EIF3A: variants seen among roughly 807,000 people sequenced by gnomAD.
EIF3A encodes EIF3, p180 subunit.
A neutral mutation model predicts 186.6 loss-of-function variants in EIF3A; 21 were observed. The ratio of observed to expected loss-of-function variants is 0.11; its 90% CI spans 0.08 to 0.16. The LOEUF is 0.16. Ranked by LOEUF, EIF3A falls within the 10% of genes least tolerant of loss-of-function variation. The probability of loss-of-function intolerance (pLI) is 1.00; values close to 1 mark genes in which losing one functional copy is unlikely to be tolerated. For synonymous variants in EIF3A, 563 were observed against 584.3 expected (o/e 0.96, Z 0.52); for missense variants, 1,306 against 1,796.3 (o/e 0.73, Z 4.93).
At chr10:119,070,243 C>T (rs1330794453) in intron 5 of EIF3A, among the ~76,000 whole-genome samples, 15 of 152,174 alleles carry the variant, frequency 9.9e-5, no homozygotes, top group Admixed American at 2.6e-4. Context: ...TTATATGGAA[C>T]GTCTTTGTAG....
chr10:119,059,447 C>CA (rs1843846375), intron 10 of EIF3A, 50 bp from the exon 11 acceptor site: 1 of 1,384,028 alleles, frequency 7.2e-7, no homozygotes, highest in East Asian at 2.3e-5. Flanking sequence ...AGCATGAAGT[C>CA]AAAAAGTAAC....
At position 119,049,952 on chromosome 10, in the gene EIF3A, T is replaced by C. The variant is rs768911727; in HGVS notation, c.2507A>G (p.Lys836Arg). 1 of 1,614,178 alleles carries C rather than the reference T, an allele frequency of 6.2e-7. No homozygotes were observed. The highest frequency in any genetic ancestry group is 1.1e-5 in the South Asian group (1 of 91,072). ...ATACTCTCGTAGCTCTTCCTCGCGTTTTGCTCGTTCGGCGCGCTCTCTCTC... is the reference window on the plus strand; with the variant it reads ...ATACTCTCGTAGCTCTTCCTCGCGTCTTGCTCGTTCGGCGCGCTCTCTCTC... ...REERERAERA[K>R]REEELREYQE... Residue 836 changes from lysine (K) to arginine (R), a missense_variant, in exon 17 of 22, where the codon AAA becomes AGA. Physicochemically the swap from Lys to Arg is conservative, Grantham distance 26. Coordinates refer to ENST00000369144, the MANE Select transcript of EIF3A (RefSeq NM_003750.4).
intron 1 of EIF3A, among the ~76,000 whole-genome samples, chr10:119,076,928 ACT>A (rs1423273724): frequency 3.2e-4 from 31 of 96,832 alleles, no homozygotes; most frequent in African/African-American, 8.1e-4. Flanking sequence ...AGAGGGAGAG[ACT>A]CTGTCTCAAA....
intron 12 of EIF3A, 72 bp from the exon 13 acceptor site, chr10:119,057,112 C>T (rs1235456512): frequency 1.2e-6 from 1 of 840,136 alleles, no homozygotes; most frequent in African/African-American, 1.7e-5. Flanking sequence ...TCACTGCTTT[C>T]TAGAATAAAA....
At position 119,035,893 on chromosome 10, in the gene EIF3A, T is replaced by C. The variant is rs1848120942; in HGVS notation, c.*146A>G. 9.3e-6 allele frequency: 6 copies of C among 645,138 alleles called. No homozygotes were observed. The East Asian group carries it at 1.6e-4, about 18-fold the overall frequency. 40.0% of individuals were successfully genotyped at this position (645,138 alleles called of 1,614,324 possible). Reference sequence around the variant, plus strand: ...TATGGTGCATGATCAATCTATTATATAGGATTAATACAAGTTCATGCTTTT... The same window carrying C: ...TATGGTGCATGATCAATCTATTATACAGGATTAATACAAGTTCATGCTTTT... On this transcript the variant is annotated 3_prime_UTR_variant, in exon 22 of 22. Coordinates refer to ENST00000369144, the MANE Select transcript of EIF3A (RefSeq NM_003750.4).
At position 119,065,296 on chromosome 10, in the gene EIF3A, C is replaced by T. The variant is rs572493743; in HGVS notation, c.1122+103G>A. 1.3e-4 allele frequency: 115 copies of T among 879,116 alleles called. No homozygotes were observed. In the East Asian group the frequency reaches 2.7e-3, roughly 21 times the overall value. 54.5% of individuals were successfully genotyped at this position (879,116 alleles called of 1,614,324 possible). A position where few individuals can be genotyped will look rare whatever the true frequency, so the allele number is the denominator to read the frequency against. On this transcript the variant is annotated intron_variant, in intron 7 of 21. Transcript: ENST00000369144. ...TGCTTCCCTGTCCATACATCAGAAC[C>T]CTTGGCACTGAATCAGAATTCCCAG...
intron 8 of EIF3A, 86 bp downstream of exon 8, chr10:119,061,136 CTT>C: frequency 1.5e-6 from 1 of 682,114 alleles, no homozygotes; most frequent in Non-Finnish European, 2.5e-6. Context: ...TAGGACAAAA[CTT>C]CTCTCTTAAC....
Position 119,037,385 on chromosome 10 carries a change from G to C in EIF3A, c.3729-76C>G, listed in dbSNP as rs1223739798. The C allele has an allele frequency of 3.0e-6, 4 of 1,318,076 alleles. No homozygotes were observed. The African/African-American group carries it at 4.4e-5, about 14-fold the overall frequency. The allele number at this position is 1,318,076 out of a possible 1,614,324, so 81.6% of individuals were successfully genotyped here. A position where few individuals can be genotyped will look rare whatever the true frequency, so the allele number is the denominator to read the frequency against. On this transcript the variant is annotated intron_variant, in intron 20 of 21. Transcript: ENST00000369144. The stretch of plus-strand genomic sequence containing the variant: ...ATAATTATAAGTACATCCAGTCCAA[G>C]CTGGGGCTTAGAGTTTACAAATATA...
chr10:119,064,461 C>T (rs930230469), intron 7 of EIF3A, among the ~76,000 whole-genome samples: 1 of 152,034 alleles, frequency 6.6e-6, no homozygotes, highest in Non-Finnish European at 1.5e-5. Flanking sequence ...TCCCCGTAGG[C>T]CCATCCTCAT....
intron 1 of EIF3A, among the ~76,000 whole-genome samples, chr10:119,079,923 A>T (rs2133427700): frequency 6.6e-6 from 1 of 152,324 alleles, no homozygotes; most frequent in Middle Eastern, 3.4e-3. Context: ...CATTAACTCT[A>T]TTCCAACTTC....
chr10:119,039,125 G>A (rs1238057548), intron 19 of EIF3A, among the ~76,000 whole-genome samples: 1 of 151,992 alleles, frequency 6.6e-6, no homozygotes, highest in Admixed American at 6.6e-5. Context: ...CAATTTTGAG[G>A]TATTTATACC....
chr10:119,040,704 C>T (rs924026954), intron 19 of EIF3A, among the ~76,000 whole-genome samples: 5 of 152,010 alleles, frequency 3.3e-5, no homozygotes, highest in African/African-American at 1.2e-4. Flanking sequence ...AACCCCATCT[C>T]TATTAAAAAT....
rs560253894 is a variant in EIF3A, at chr10:119,037,397, A to C, written c.3729-88T>G. On this transcript the variant is annotated intron_variant, in intron 20 of 21. Coordinates refer to ENST00000369144, the MANE Select transcript of EIF3A (RefSeq NM_003750.4). ...ACATCCAGTCCAAGCTGGGGCTTAG[A>C]GTTTACAAATATAACAGACAGTTTA... 4.8e-4 allele frequency: 574 copies of C among 1,198,442 alleles called. 3 individuals carry two copies. Among genetic ancestry groups the C allele is most frequent in the Middle Eastern group, 4.7e-3 (23 of 4,908 alleles). The allele number at this position is 1,198,442 out of a possible 1,614,324, so 74.2% of individuals were successfully genotyped here. A position where few individuals can be genotyped will look rare whatever the true frequency, so the allele number is the denominator to read the frequency against.
At position 119,060,167 on chromosome 10, in the gene EIF3A, G is replaced by A. The variant is rs74324331; in HGVS notation, c.1327-449C>T. 1.9e-3 allele frequency: 969 copies of A among 497,454 alleles called. 11 individuals are homozygous for A. Among genetic ancestry groups the A allele is most frequent in the African/African-American group, 0.017 (850 of 50,224 alleles). 30.8% of individuals were successfully genotyped at this position (497,454 alleles called of 1,614,324 possible). On this transcript the variant is annotated intron_variant, in intron 9 of 21. Transcript: ENST00000369144. ...TACTGAGATGAAAATATAATAAAAC[G>A]CCCTCCTTCCCAAATGCAACAAATG... is the stretch of plus-strand genomic sequence containing the variant.
chr10:119,073,193 C>T (rs1177982774), intron 3 of EIF3A, 140 bp from the exon 4 acceptor site: 9 of 799,480 alleles, frequency 1.1e-5, no homozygotes, highest in African/African-American at 1.7e-5. Flanking sequence ...TCACTATCTA[C>T]TCCCTGAATT....
rs770258900 is a variant in EIF3A, at chr10:119,070,983, C to G, written c.644G>C (p.Ser215Thr). 1 of 1,614,012 alleles carries G rather than the reference C, an allele frequency of 6.2e-7. No homozygotes were observed. Among genetic ancestry groups the G allele is most frequent in the Non-Finnish European group, 8.5e-7 (1 of 1,179,890 alleles). ...LSQIQRHHNQ[S>T]TAINLNNPES... is the part of the protein sequence containing the mutation. ...TGGATTATTAAGATTGATTGCCGTACTTTGGTTATGGTGGCGCTGAATCTG... is the reference window on the plus strand; with the variant it reads ...TGGATTATTAAGATTGATTGCCGTAGTTTGGTTATGGTGGCGCTGAATCTG... Residue 215 changes from serine (S) to threonine (T), a missense_variant, in exon 5 of 22, where the codon AGT becomes ACT. Coordinates refer to ENST00000369144, the MANE Select transcript of EIF3A (RefSeq NM_003750.4).
intron 1 of EIF3A, chr10:119,080,425 G>A (rs1844245683): frequency 1.0e-6 from 1 of 985,464 alleles, no homozygotes; most frequent in African/African-American, 1.7e-5. Flanking sequence ...CGACGGTTCC[G>A]GGCTACGCGC....
chr10:119,066,736 C>A (rs1843987314), intron 6 of EIF3A, among the ~76,000 whole-genome samples: 1 of 152,064 alleles, frequency 6.6e-6, no homozygotes, highest in Non-Finnish European at 1.5e-5. Flanking sequence ...GGGCTAGCAT[C>A]TCCCCTTCGC....
intron 18 of EIF3A, among the ~76,000 whole-genome samples, chr10:119,043,616 C>T (rs928684381): frequency 3.3e-5 from 5 of 150,614 alleles, no homozygotes; most frequent in African/African-American, 1.2e-4. Context: ...ACAACAACAA[C>T]AACAACAAAA....
Sources: allele counts gnomAD v4.1 joint callset (sites outside exome capture counted in the v4.1 genomes callset), GRCh38; gene constraint gnomAD v4.1.1; transcripts MANE v1.5; gene names NCBI Gene and HGNC (gene_info 2026-07-23, HGNC 2026-07-21).